USH2A: variants seen among roughly 807,000 people sequenced by gnomAD.
USH2A encodes the protein usherin, also known as Usher syndrome 2A (autosomal recessive, mild).
Under a neutral mutation model 538.9 loss-of-function variants are expected in USH2A, and 443 were observed. That is an observed-to-expected ratio of 0.82 (90% CI 0.76 to 0.89). The LOEUF is 0.89. Ranked by LOEUF, USH2A falls within the 40% of genes least tolerant of loss-of-function variation. The probability of loss-of-function intolerance (pLI) is 0.00; values close to 1 mark genes in which losing one functional copy is unlikely to be tolerated. For synonymous variants in USH2A, 2,413 were observed against 2,273.5 expected, an observed-to-expected ratio of 1.06 and a Z score of -1.75; for missense variants, 6,633 against 6,324.8, an observed-to-expected ratio of 1.05 and a Z score of -1.65.
intron 21 of USH2A, among the ~76,000 whole-genome samples, chr1:216,157,620 G>A (rs1456693491): frequency 6.6e-6 from 1 of 152,114 alleles, no homozygotes; most frequent in Non-Finnish European, 1.5e-5. Context: ...ATACACCATG[G>A]AATACTACCC....
intron 9 of USH2A, among the ~76,000 whole-genome samples, chr1:216,317,342 T>C (rs2037527521): frequency 6.6e-6 from 1 of 152,036 alleles, no homozygotes; most frequent in Admixed American, 6.6e-5. Context: ...ATCCGAATTA[T>C]GAGAACACAT....
At chr1:216,076,839 G>A (rs553941589) in intron 27 of USH2A, among the ~76,000 whole-genome samples, 2 of 152,126 alleles carry the variant, frequency 1.3e-5, no homozygotes, top group Non-Finnish European at 2.9e-5. Context: ...ACCATTCAGG[G>A]TATGTAGATT....
intron 40 of USH2A, among the ~76,000 whole-genome samples, chr1:215,890,905 T>G (rs776887936): frequency 1.3e-5 from 2 of 152,186 alleles, no homozygotes; most frequent in Non-Finnish European, 2.9e-5. Context: ...TAACCTTATC[T>G]CACCCTCTCT....
At chr1:215,756,788 G>A (rs368411993) in intron 58 of USH2A, among the ~76,000 whole-genome samples, 27 of 152,202 alleles carry the variant, frequency 1.8e-4, no homozygotes, top group African/African-American at 6.5e-4. Flanking sequence ...GCCAGGCATG[G>A]TGGTGTGTGC....
chr1:216,198,437 G>A lies in USH2A; in HGVS notation c.3959C>T (p.Pro1320Leu), dbSNP rs771924569. ...ESANENALKP[P>L]QTMTTITGLE... ...GCCAGTGATGGTTGTCATTGTTTGA[G>A]GAGGTTTTAATGCATTTTCATTGGC... is the stretch of plus-strand genomic sequence containing the variant. Residue 1320 changes from proline (P) to leucine (L), a missense_variant, in exon 18 of 72, where the codon CCT (proline) becomes CTT (leucine). Transcript: ENST00000307340. 3 of 1,614,000 alleles carry A rather than the reference G, an allele frequency of 1.9e-6. No individual in the cohort carries two copies. The Middle Eastern group carries it at 4.9e-4, about 266-fold the overall frequency.
intron 32 of USH2A, among the ~76,000 whole-genome samples, chr1:216,043,414 A>C (rs917809323): frequency 2.6e-5 from 4 of 152,092 alleles, no homozygotes; most frequent in Non-Finnish European, 5.9e-5. Flanking sequence ...ATGAAATGCC[A>C]AGAAAGCTAC....
At chr1:215,815,472 C>T (rs900773489) in intron 48 of USH2A, among the ~76,000 whole-genome samples, 72 of 151,624 alleles carry the variant, frequency 4.7e-4, no homozygotes, top group African/African-American at 1.7e-3. Context: ...TTAAACTAAC[C>T]GGTTCTTTGT....
chr1:215,992,156 C>A lies in USH2A; in HGVS notation c.6805+864G>T, dbSNP rs139070140. 6.8e-4 allele frequency among the ~76,000 whole-genome samples: 103 copies of A among 152,104 alleles called. 4 individuals carry two copies. In the East Asian group the frequency reaches 0.017, roughly 25 times the overall value. ...AAAACTGTAACTTTTTTCTTTCATT[C>A]TTTTTGGCTGTGCTAAAAGAGCCCA... is the stretch of plus-strand genomic sequence containing the variant. On this transcript the variant is annotated intron_variant, in intron 35 of 71. Transcript: ENST00000307340.
intron 9 of USH2A, among the ~76,000 whole-genome samples, chr1:216,300,787 G>C (rs1049271801): frequency 1.7e-5 from 2 of 120,454 alleles, no homozygotes; most frequent in Non-Finnish European, 3.3e-5. Context: ...GTCTTGCTCT[G>C]TTGCCCAGGT....
intron 19 of USH2A, among the ~76,000 whole-genome samples, chr1:216,192,037 A>G (rs1300892379): frequency 6.6e-6 from 1 of 152,094 alleles, no homozygotes; most frequent in Non-Finnish European, 1.5e-5. Flanking sequence ...TCATGTACAT[A>G]GAGTCAATTT....
At position 215,650,770 on chromosome 1, in the gene USH2A, G is replaced by T. The variant is rs867233074; in HGVS notation, c.14165C>A (p.Pro4722His). The T allele has an allele frequency of 6.2e-7, 1 of 1,613,702 alleles. No homozygotes were observed. Among genetic ancestry groups the T allele is most frequent in the South Asian group, 1.1e-5 (1 of 91,060 alleles). The change falls in exon 65 of 72, where the codon CCC becomes CAC. Residue 4722 changes from proline to histidine, a missense_variant. Coordinates refer to ENST00000307340, the MANE Select transcript of USH2A (RefSeq NM_206933.4). ...VWAVNSAGKAPSSWTWCRTGP... is the reference protein window; with the variant it reads ...VWAVNSAGKAHSSWTWCRTGP... ...GGTTCTGCACCATGTCCAGCTACTG[G>T]GGGCTTTTCCTGCAGAATTCACTGC...
At position 215,684,846 on chromosome 1, in the gene USH2A, G is replaced by GGGTACCAT. The variant is rs1553253273; in HGVS notation, c.12067-4471_12067-4470insATGGTACC. Reference sequence around the variant, plus strand: ...GTCACGGGGTTCCCTTGCCTCCTTAGTTATGATGAATACCAAGAACCAGAG... The same window carrying GGGTACCAT: ...GTCACGGGGTTCCCTTGCCTCCTTAGGGTACCATTTATGATGAATACCAAGAACCAGAG... On this transcript the variant is annotated intron_variant, in intron 61 of 71. Transcript: ENST00000307340. Among the ~76,000 whole-genome samples the GGGTACCAT allele has an allele frequency of 1.3e-5, 2 of 151,970 alleles. 1 individual carries two copies. Among genetic ancestry groups the GGGTACCAT allele is most frequent in the Non-Finnish European group, 2.9e-5 (2 of 67,982 alleles).
At chr1:215,668,313 A>G (rs1042906340) in intron 64 of USH2A, among the ~76,000 whole-genome samples, 4 of 152,248 alleles carry the variant, frequency 2.6e-5, no homozygotes, top group Non-Finnish European at 1.5e-5. Context: ...AAGATTACTC[A>G]GGGTCCACAT....
intron 46 of USH2A, among the ~76,000 whole-genome samples, chr1:215,840,531 C>T (rs572897716): frequency 6.6e-6 from 1 of 152,280 alleles, no homozygotes; most frequent in South Asian, 2.1e-4. Flanking sequence ...TTCCACTCTC[C>T]TCAGGCTACC....
At chr1:215,830,151 A>G (rs1663271332) in intron 47 of USH2A, among the ~76,000 whole-genome samples, 1 of 152,200 alleles carries the variant, frequency 6.6e-6, no homozygotes, top group Non-Finnish European at 1.5e-5. Context: ...CAAGGGCAGT[A>G]TCAGTGTGAA....
chr1:216,230,433 C>G (rs1313673105), intron 14 of USH2A, among the ~76,000 whole-genome samples: 1 of 152,082 alleles, frequency 6.6e-6, no homozygotes, highest in Non-Finnish European at 1.5e-5. Flanking sequence ...GGTAACATTT[C>G]TACGGTGATA....
intron 9 of USH2A, among the ~76,000 whole-genome samples, chr1:216,297,412 A>G (rs1035620632): frequency 1.3e-5 from 2 of 152,180 alleles, no homozygotes; most frequent in African/African-American, 4.8e-5. Flanking sequence ...CAAAATGAAG[A>G]TAACTTAATA....
At chr1:216,056,886 T>C (rs766982181) in intron 30 of USH2A, among the ~76,000 whole-genome samples, 17 of 152,116 alleles carry the variant, frequency 1.1e-4, no homozygotes, top group Non-Finnish European at 1.6e-4. Context: ...ATAACACAAA[T>C]ATAAAATGAT....
intron 11 of USH2A, among the ~76,000 whole-genome samples, chr1:216,262,118 A>G (rs190651544): frequency 6.6e-6 from 1 of 152,276 alleles, no homozygotes; most frequent in Admixed American, 6.5e-5. Context: ...CAATTACTTT[A>G]CCAGATGTGC....
Sources: gnomAD v4.1 joint callset for allele counts (sites outside exome capture counted in the v4.1 genomes callset) on GRCh38, gnomAD v4.1.1 for gene constraint, MANE v1.5 for transcripts, NCBI Gene and HGNC (gene_info 2026-07-23, HGNC 2026-07-21) for gene names.